Variants in SIPA1L3 observed in about 807,000 individuals in gnomAD.
SIPA1L3 encodes the protein signal-induced proliferation-associated 1-like protein 3.
In SIPA1L3, 59 loss-of-function variants were observed where a neutral mutation model predicts 150.1. That is an observed-to-expected ratio of 0.39 (90% CI 0.32 to 0.49). The LOEUF (loss-of-function observed/expected upper bound fraction) is 0.49, where lower values mean the gene tolerates loss of function less well. SIPA1L3 is among the 20% of genes least tolerant of loss of function. SIPA1L3 has a pLI of 0.86. For synonymous variants in SIPA1L3, 1,070 were observed against 1,077.6 expected (o/e 0.99, Z 0.14); for missense variants, 2,211 against 2,489.5 (o/e 0.89, Z 2.38).
At chr19:38,036,395 G>A (rs1968786710) in intron 2 of SIPA1L3, among the ~76,000 whole-genome samples, 1 of 152,202 alleles carries the variant, frequency 6.6e-6, no homozygotes, top group African/African-American at 2.4e-5. Flanking sequence ...CCCCAGGGAC[G>A]GACACTTGGC....
At chr19:38,106,851 G>C (rs1290343828) in intron 7 of SIPA1L3, among the ~76,000 whole-genome samples, 1 of 152,198 alleles carries the variant, frequency 6.6e-6, no homozygotes, top group South Asian at 2.1e-4. Context: ...CTTCTTGGGC[G>C]CCCTGCCCAG....
intron 8 of SIPA1L3, among the ~76,000 whole-genome samples, chr19:38,112,586 C>G (rs998862997): frequency 7.9e-5 from 12 of 152,290 alleles, no homozygotes; most frequent in Middle Eastern, 3.4e-3. Flanking sequence ...ATATTTTAAC[C>G]ATTCTGAAAA....
At chr19:38,085,720 G>A (rs1397711798) in intron 3 of SIPA1L3, among the ~76,000 whole-genome samples, 2 of 152,136 alleles carry the variant, frequency 1.3e-5, no homozygotes, top group African/African-American at 4.8e-5. Flanking sequence ...CTGGCTGAGC[G>A]CATTGGCTCA....
chr19:37,970,462 A>G (rs1043888884), intron 1 of SIPA1L3, among the ~76,000 whole-genome samples: 2 of 152,212 alleles, frequency 1.3e-5, no homozygotes, highest in Admixed American at 6.5e-5. Context: ...GAGCTCTCCC[A>G]TGCTGCAGAT....
intron 1 of SIPA1L3, among the ~76,000 whole-genome samples, chr19:37,915,068 G>C (rs1329567942): frequency 2.0e-5 from 3 of 152,116 alleles, no homozygotes; most frequent in African/African-American, 7.2e-5. Flanking sequence ...TTTCCTTGTT[G>C]TTTGACATGC....
In SIPA1L3 at chr19:38,193,575, C is replaced by T. The variant is rs746517706; in HGVS notation, c.4635C>T (p.Asp1545=). 4.2e-5 allele frequency: 64 copies of T among 1,541,188 alleles called. 1 individual carries two copies. The highest frequency in any genetic ancestry group is 2.7e-4 in the South Asian group (22 of 81,438). The change falls in exon 18 of 22, where the codon GAC becomes GAT. Residue 1545 remains aspartate (D), a synonymous_variant. Coordinates refer to ENST00000222345, the MANE Select transcript of SIPA1L3 (RefSeq NM_015073.3). The stretch of plus-strand genomic sequence containing the variant: ...AGGGCCTGCAGCGGACGCTGTCGGA[C>T]GAGAGCCTGTGCAGCGGGCGCCGGG... ...PQKGLQRTLS[D]ESLCSGRREP... is the part of the protein sequence containing the mutation.
chr19:38,090,656 C>T (rs893667078), intron 4 of SIPA1L3, among the ~76,000 whole-genome samples: 2 of 152,242 alleles, frequency 1.3e-5, no homozygotes, highest in African/African-American at 4.8e-5. Flanking sequence ...CTAGGCAGGC[C>T]CTCCAAAATG....
intron 1 of SIPA1L3, among the ~76,000 whole-genome samples, chr19:38,008,236 T>TC (rs1968010163): frequency 7.2e-6 from 1 of 139,516 alleles, no homozygotes; most frequent in South Asian, 2.5e-4. Context: ...TTTTTTTTTT[T>TC]TTTTTTTTTG....
chr19:37,963,888 C>T (rs1243950053), intron 1 of SIPA1L3: 2 of 152,028 alleles, frequency 1.3e-5, no homozygotes, highest in African/African-American at 4.8e-5. Flanking sequence ...GCTCTAGCTA[C>T]ATATTTCAGT....
At chr19:38,084,515 A>C (rs1423716980) in intron 3 of SIPA1L3, among the ~76,000 whole-genome samples, 1 of 142,546 alleles carries the variant, frequency 7.0e-6, no homozygotes, top group Non-Finnish European at 1.5e-5. Flanking sequence ...AGCTAGACAA[A>C]GTTTTTCTTT....
intron 8 of SIPA1L3, among the ~76,000 whole-genome samples, chr19:38,112,850 T>C (rs1312213877): frequency 6.6e-6 from 1 of 152,110 alleles, no homozygotes; most frequent in Non-Finnish European, 1.5e-5. Context: ...GCTCTCCAGC[T>C]TACCATCTCC....
chr19:38,002,743 A>AT lies in SIPA1L3; in HGVS notation c.-378-26346_-378-26345insT, dbSNP rs1967838709. On this transcript the variant is annotated intron_variant, in intron 1 of 21. Transcript: ENST00000222345. ...AAAAAAAAAAAAAAAAAAAAAAAAA[A>AT]ATTTATATGTATATATATATATCTC... 2.8e-5 allele frequency among the ~76,000 whole-genome samples: 4 copies of AT among 143,522 alleles called. No homozygotes were observed. The South Asian group carries it at 9.0e-4, about 32-fold the overall frequency. 94.2% of individuals were successfully genotyped at this position (143,522 alleles called of 152,430 possible).
At chr19:37,954,140 T>C (rs1389453508) in intron 1 of SIPA1L3, among the ~76,000 whole-genome samples, 1 of 152,158 alleles carries the variant, frequency 6.6e-6, no homozygotes, top group Non-Finnish European at 1.5e-5. Flanking sequence ...AAAGCAATCA[T>C]GTAAATTTTT....
intron 8 of SIPA1L3, among the ~76,000 whole-genome samples, chr19:38,116,182 A>G (rs537646242): frequency 8.5e-5 from 13 of 152,294 alleles, no homozygotes; most frequent in African/African-American, 1.9e-4. Flanking sequence ...TTAGGAAAGC[A>G]TAGTTAACTT....
intron 4 of SIPA1L3, among the ~76,000 whole-genome samples, chr19:38,097,911 A>G (rs1171993089): frequency 6.6e-6 from 1 of 152,214 alleles, no homozygotes; most frequent in African/African-American, 2.4e-5. Flanking sequence ...AAATATATAT[A>G]TCTCAAAACA....
At chr19:38,094,023 A>G (rs2145846488) in intron 4 of SIPA1L3, among the ~76,000 whole-genome samples, 1 of 152,216 alleles carries the variant, frequency 6.6e-6, no homozygotes, top group East Asian at 1.9e-4. Flanking sequence ...ATTGGCCTAG[A>G]ACACGTGATT....
chr19:38,038,673 C>G (rs1757957622), intron 2 of SIPA1L3, among the ~76,000 whole-genome samples: 1 of 151,498 alleles, frequency 6.6e-6, no homozygotes, highest in Non-Finnish European at 1.5e-5. Flanking sequence ...CTATGGAGCA[C>G]TTTTCTTTTT....
In SIPA1L3 at chr19:38,164,897, G is replaced by C. The variant is rs146145099; in HGVS notation, c.4199G>C (p.Arg1400Thr). ...GLAGGSRDPP[R>T]QPSDMGSRVG... ...GCGGGGGGCAGCCGAGACCCACCGAGGCAGCCCAGGTAAGCTGTTGCACCT... is the reference window on the plus strand; with the variant it reads ...GCGGGGGGCAGCCGAGACCCACCGACGCAGCCCAGGTAAGCTGTTGCACCT... Residue 1400 changes from arginine to threonine, a missense_variant, in exon 15 of 22, where the codon AGG (arginine) becomes ACG (threonine). Transcript: ENST00000222345. The surrounding 1 kb of genome is among the most constrained non-coding windows in gnomAD (Gnocchi z 4.1). 1 of 1,541,152 alleles carries C rather than the reference G, an allele frequency of 6.5e-7. No individual in the cohort carries two copies. Among genetic ancestry groups the C allele is most frequent in the Non-Finnish European group, 8.8e-7 (1 of 1,142,462 alleles).
intron 21 of SIPA1L3, among the ~76,000 whole-genome samples, chr19:38,205,751 G>A (rs1973196122): frequency 1.3e-5 from 2 of 152,168 alleles, no homozygotes; most frequent in South Asian, 4.1e-4. Context: ...AGGAAACTAG[G>A]GACAGCGACA....
Sources: gnomAD v4.1 joint callset for allele counts (sites outside exome capture counted in the v4.1 genomes callset) on GRCh38, gnomAD v4.1.1 for gene constraint, Gnocchi (gnomAD v3.1) non-coding constraint, MANE v1.5 for transcripts, NCBI Gene and HGNC (gene_info 2026-07-23, HGNC 2026-07-21) for gene names.